SORCS3: variants seen among roughly 807,000 people sequenced by gnomAD.
SORCS3 encodes the protein VPS10 domain-containing receptor SorCS3.
A neutral mutation model predicts 146.3 loss-of-function variants in SORCS3; 57 were observed. The ratio of observed to expected loss-of-function variants is 0.39; its 90% CI spans 0.31 to 0.49. The LOEUF (loss-of-function observed/expected upper bound fraction) is 0.49, where lower values mean the gene tolerates loss of function less well. SORCS3 is among the 20% of genes least tolerant of loss of function. The pLI, the probability that SORCS3 is intolerant of heterozygous loss-of-function variation, is 0.92. For missense variants in SORCS3, 1,341 were observed against 1,575.5 expected (o/e 0.85, Z 2.52); for synonymous variants, 653 against 618.5 (o/e 1.06, Z -0.83).
At chr10:105,107,397 T>C (rs1414150720) in intron 7 of SORCS3, among the ~76,000 whole-genome samples, 1 of 152,010 alleles carries the variant, frequency 6.6e-6, no homozygotes, top group African/African-American at 2.4e-5. Context: ...ATGCTAAATA[T>C]GCTAGAATTG....
intron 12 of SORCS3, among the ~76,000 whole-genome samples, chr10:105,164,746 A>G (rs1233715419): frequency 6.6e-6 from 1 of 152,136 alleles, no homozygotes. Flanking sequence ...ACCTTTGGGG[A>G]TGTGTTTCTG....
intron 2 of SORCS3, among the ~76,000 whole-genome samples, chr10:104,912,251 A>G (rs2018976559): frequency 6.6e-6 from 1 of 152,214 alleles, no homozygotes. Context: ...TCTAGGCTCC[A>G]GCTTCAATGT....
chr10:104,983,847 C>T (rs926741428), intron 4 of SORCS3, among the ~76,000 whole-genome samples: 13 of 151,996 alleles, frequency 8.6e-5, no homozygotes, highest in African/African-American at 2.9e-4. Context: ...ATATCTTGAC[C>T]ACTCACTGTG....
At chr10:104,939,120 T>C (rs1417230728) in intron 3 of SORCS3, among the ~76,000 whole-genome samples, 1 of 152,198 alleles carries the variant, frequency 6.6e-6, no homozygotes, top group Non-Finnish European at 1.5e-5. Flanking sequence ...ACTCTTCCTC[T>C]AGCACCCTCT....
chr10:104,872,839 A>G (rs1294847073), intron 2 of SORCS3, among the ~76,000 whole-genome samples: 2 of 152,222 alleles, frequency 1.3e-5, no homozygotes, highest in Admixed American at 1.3e-4. Context: ...TTGTTTTCTG[A>G]AAAGCACAAT....
intron 4 of SORCS3, among the ~76,000 whole-genome samples, chr10:104,984,056 C>T (rs1589579142): frequency 6.6e-6 from 1 of 152,228 alleles, no homozygotes; most frequent in East Asian, 1.9e-4. Context: ...CAGCCACTAC[C>T]TTCCACCCTC....
At chr10:104,733,776 A>G (rs2016736974) in intron 1 of SORCS3, among the ~76,000 whole-genome samples, 2 of 151,826 alleles carry the variant, frequency 1.3e-5, no homozygotes, top group Admixed American at 1.3e-4. Flanking sequence ...TTTTTTCTCA[A>G]TCCCCTGTTT....
chr10:105,211,759 A>G (rs568201331), intron 17 of SORCS3, among the ~76,000 whole-genome samples: 3 of 152,054 alleles, frequency 2.0e-5, no homozygotes, highest in Non-Finnish European at 4.4e-5. Context: ...TGTATTAGTT[A>G]CTCTTTCGCA....
intron 20 of SORCS3, among the ~76,000 whole-genome samples, chr10:105,237,598 C>A (rs2056800006): frequency 6.6e-6 from 1 of 152,146 alleles, no homozygotes; most frequent in African/African-American, 2.4e-5. Context: ...TGGCCATGGT[C>A]CCCAGTAGTT....
intron 3 of SORCS3, among the ~76,000 whole-genome samples, chr10:104,969,401 C>A (rs558021378): frequency 1.3e-5 from 2 of 151,464 alleles, no homozygotes; most frequent in East Asian, 3.9e-4. Context: ...GAGTAATAGG[C>A]AAGTTGCTTT....
chr10:104,672,357 CTTTTT>C (rs764493707), intron 1 of SORCS3, among the ~76,000 whole-genome samples: 1 of 151,996 alleles, frequency 6.6e-6, no homozygotes, highest in Non-Finnish European at 1.5e-5. Context: ...AGTCTTCTCT[CTTTTT>C]TTCTTAGTCT....
At chr10:104,909,245 GA>G (rs970908304) in intron 2 of SORCS3, among the ~76,000 whole-genome samples, 1 of 151,930 alleles carries the variant, frequency 6.6e-6, no homozygotes, top group Non-Finnish European at 1.5e-5. Flanking sequence ...TGTTTTACAG[GA>G]AAAAAAAGTT....
chr10:104,930,766 C>G (rs2019198536), intron 3 of SORCS3, among the ~76,000 whole-genome samples: 1 of 152,186 alleles, frequency 6.6e-6, no homozygotes, highest in Non-Finnish European at 1.5e-5. Context: ...TATCCTCACT[C>G]TACCTCTTAG....
intron 3 of SORCS3, among the ~76,000 whole-genome samples, chr10:104,922,848 C>T (rs575826521): frequency 1.3e-5 from 2 of 152,158 alleles, no homozygotes; most frequent in East Asian, 1.9e-4. Context: ...GAGAACACTT[C>T]GTAGACTCTC....
At chr10:105,083,364 C>T (rs996817257) in intron 5 of SORCS3, among the ~76,000 whole-genome samples, 1 of 152,032 alleles carries the variant, frequency 6.6e-6, no homozygotes, top group African/African-American at 2.4e-5. Flanking sequence ...GCTAGTTCTG[C>T]ACTGAATACT....
intron 6 of SORCS3, among the ~76,000 whole-genome samples, chr10:105,105,162 A>G (rs557725964): frequency 2.6e-5 from 4 of 152,316 alleles, no homozygotes; most frequent in African/African-American, 9.6e-5. Flanking sequence ...AAGCTATACC[A>G]AATTACTCTT....
chr10:104,767,953 G>T (rs1039718762), intron 1 of SORCS3, among the ~76,000 whole-genome samples: 12 of 151,912 alleles, frequency 7.9e-5, no homozygotes, highest in African/African-American at 2.9e-4. Context: ...ATTGCTCATC[G>T]TACTCCAGTA....
intron 1 of SORCS3, among the ~76,000 whole-genome samples, chr10:104,767,118 G>C (rs2017190243): frequency 6.6e-6 from 1 of 152,086 alleles, no homozygotes; most frequent in South Asian, 2.1e-4. Flanking sequence ...AGTTCTCCTT[G>C]CCTTCTGATT....
At chr10:104,944,726 A>G (rs1199892374) in intron 3 of SORCS3, among the ~76,000 whole-genome samples, 1 of 152,240 alleles carries the variant, frequency 6.6e-6, no homozygotes, top group African/African-American at 2.4e-5. Context: ...AGGTGAGGCA[A>G]CTGGAACTTT....
Sources: allele counts gnomAD v4.1 joint callset (sites outside exome capture counted in the v4.1 genomes callset), GRCh38; gene constraint gnomAD v4.1.1; transcripts MANE v1.5; gene names NCBI Gene and HGNC (gene_info 2026-07-23, HGNC 2026-07-21).